The following ATP8A2 variants were observed in gnomAD, a reference collection of about 807,000 sequenced individuals.
ATP8A2 encodes ATPase phospholipid transporting 8A2, also known as phospholipid-transporting ATPase IB.
Under a neutral mutation model 165.6 loss-of-function variants are expected in ATP8A2, and 100 were observed. That is an observed-to-expected ratio of 0.60 (90% confidence interval 0.51 to 0.71). ATP8A2 has a LOEUF of 0.71. ATP8A2 is among the 30% of genes least tolerant of loss of function. The pLI is 0.00. For synonymous variants in ATP8A2, 543 were observed against 548.8 expected, an observed-to-expected ratio of 0.99 and a Z score of 0.15; for missense variants, 1,227 against 1,479.5, an observed-to-expected ratio of 0.83 and a Z score of 2.80.
intron 33 of ATP8A2, among the ~76,000 whole-genome samples, chr13:25,886,817 G>A (rs1349362581): frequency 1.3e-5 from 2 of 152,176 alleles, no homozygotes; most frequent in Non-Finnish European, 2.9e-5. Flanking sequence ...AAAACATGAG[G>A]TGGCTTCCAC....
At chr13:25,825,145 C>CTTTTTTT (rs60778003) in intron 27 of ATP8A2, among the ~76,000 whole-genome samples, 1 of 27,508 alleles carries the variant, frequency 3.6e-5, no homozygotes, top group Non-Finnish European at 6.3e-5. Context: ...TATGTGTTTG[C>CTTTTTTT]TTTTTTTTTT....
chr13:25,650,143 G>A (rs977339261), intron 24 of ATP8A2, among the ~76,000 whole-genome samples: 1 of 152,208 alleles, frequency 6.6e-6, no homozygotes, highest in Admixed American at 6.5e-5. Context: ...GAGGGATGGG[G>A]TGGGGCAATG....
chr13:25,430,849 C>T (rs895190576), intron 1 of ATP8A2, among the ~76,000 whole-genome samples: 11 of 152,148 alleles, frequency 7.2e-5, no homozygotes, highest in South Asian at 2.1e-4. Context: ...CCACCCGCCT[C>T]GGCCTCCCAA....
At chr13:25,492,149 T>C (rs141466044) in intron 2 of ATP8A2, among the ~76,000 whole-genome samples, 3 of 152,342 alleles carry the variant, frequency 2.0e-5, no homozygotes, top group Admixed American at 2.0e-4. Context: ...CTTTGCCTCC[T>C]GGGTTCAAGC....
At position 25,800,268 on chromosome 13, in the gene ATP8A2, G is replaced by A. The variant is rs118131347; in HGVS notation, c.2679+25309G>A. Among the ~76,000 whole-genome samples the A allele has an allele frequency of 7.2e-5, 11 of 152,290 alleles. No homozygotes were observed. The East Asian group carries it at 2.1e-3, about 29-fold the overall frequency. On this transcript the variant is annotated intron_variant, in intron 27 of 36. Transcript: ENST00000381655. ...TATAATGAGTAAAAATCTATAACAG[G>A]TAAAAATGTACAATGGAGAATGGTG... is the stretch of plus-strand genomic sequence containing the variant.
intron 33 of ATP8A2, among the ~76,000 whole-genome samples, chr13:25,869,068 CAAAAAAA>C (rs60945309): frequency 1.4e-5 from 1 of 72,350 alleles, no homozygotes; most frequent in Non-Finnish European, 2.6e-5. Flanking sequence ...GACTCCGTCT[CAAAAAAA>C]AAAAAAAAAA....
intron 2 of ATP8A2, among the ~76,000 whole-genome samples, chr13:25,481,773 A>G (rs2036210762): frequency 6.6e-6 from 1 of 152,138 alleles, no homozygotes; most frequent in Non-Finnish European, 1.5e-5. Context: ...CTTTCTTGCC[A>G]TGTCCTCCCA....
At chr13:25,756,334 T>TTG (rs1263289746) in intron 25 of ATP8A2, among the ~76,000 whole-genome samples, 1 of 151,354 alleles carries the variant, frequency 6.6e-6, no homozygotes, top group East Asian at 1.9e-4. Context: ...ATTCTTTTTT[T>TTG]TTTTTTTTTT....
At chr13:25,945,615 A>G (rs1313969085) in intron 33 of ATP8A2, among the ~76,000 whole-genome samples, 1 of 152,196 alleles carries the variant, frequency 6.6e-6, no homozygotes, top group Non-Finnish European at 1.5e-5. Flanking sequence ...GGCAGTGAAA[A>G]GAGTAATAGT....
chr13:25,463,813 A>G (rs1311272714), intron 1 of ATP8A2, among the ~76,000 whole-genome samples: 2 of 152,186 alleles, frequency 1.3e-5, no homozygotes, highest in African/African-American at 4.8e-5. Flanking sequence ...GTGGAAGGTG[A>G]GCTGCTGACT....
intron 33 of ATP8A2, among the ~76,000 whole-genome samples, chr13:25,869,216 A>G (rs1011274374): frequency 2.0e-5 from 3 of 152,188 alleles, no homozygotes; most frequent in Non-Finnish European, 4.4e-5. Context: ...CCATCAGACA[A>G]CAGTTCTGTC....
chr13:25,505,589 C>CTCTAGAGATATTATAGTTATAGA (rs1382999706), intron 2 of ATP8A2, among the ~76,000 whole-genome samples: 9 of 152,160 alleles, frequency 5.9e-5, no homozygotes, highest in Non-Finnish European at 1.3e-4. Flanking sequence ...CCTAGAGACT[C>CTCTAGAGATATTATAGTTATAGA]TATCTCTCTA....
intron 27 of ATP8A2, among the ~76,000 whole-genome samples, chr13:25,776,024 C>A (rs2044733479): frequency 6.6e-6 from 1 of 152,170 alleles, no homozygotes; most frequent in African/African-American, 2.4e-5. Flanking sequence ...GAGTGATTTC[C>A]CCAAGTTGTG....
chr13:25,608,396 A>G (rs2040573226), intron 24 of ATP8A2, among the ~76,000 whole-genome samples: 1 of 152,244 alleles, frequency 6.6e-6, no homozygotes, highest in Non-Finnish European at 1.5e-5. Context: ...GGTTGTAGAC[A>G]TAGGATTACA....
intron 24 of ATP8A2, among the ~76,000 whole-genome samples, chr13:25,610,196 A>G (rs1262698519): frequency 1.3e-5 from 2 of 152,104 alleles, no homozygotes; most frequent in African/African-American, 4.8e-5. Flanking sequence ...GCCTAAGGCA[A>G]TGTCTACAGG....
chr13:25,606,616 A>G (rs1010321410), intron 24 of ATP8A2, among the ~76,000 whole-genome samples: 2 of 152,216 alleles, frequency 1.3e-5, no homozygotes, highest in Admixed American at 1.3e-4. Context: ...TTCGTTATTC[A>G]GGTACTTTTG....
chr13:25,597,589 A>G (rs1203845678), intron 24 of ATP8A2, among the ~76,000 whole-genome samples: 1 of 152,202 alleles, frequency 6.6e-6, no homozygotes, highest in Non-Finnish European at 1.5e-5. Context: ...ACAATCACCA[A>G]GAGATGAATC....
chr13:25,905,224 C>A (rs938938233), intron 33 of ATP8A2, among the ~76,000 whole-genome samples: 3 of 152,102 alleles, frequency 2.0e-5, no homozygotes, highest in Non-Finnish European at 4.4e-5. Flanking sequence ...CGCAGATAAC[C>A]TCCTTAGGTA....
At chr13:25,944,199 T>C (rs1395266018) in intron 33 of ATP8A2, among the ~76,000 whole-genome samples, 1 of 152,284 alleles carries the variant, frequency 6.6e-6, no homozygotes, top group East Asian at 1.9e-4. Flanking sequence ...GTAAAGCCAT[T>C]GTCTGTTAGG....
Sources: allele counts gnomAD v4.1 joint callset (sites outside exome capture counted in the v4.1 genomes callset), GRCh38; gene constraint gnomAD v4.1.1; transcripts MANE v1.5; gene names NCBI Gene and HGNC (gene_info 2026-07-23, HGNC 2026-07-21).